Variants in PALM2AKAP2 observed in about 807,000 individuals in gnomAD.
PALM2AKAP2 encodes PALM2 and AKAP2 fusion.
Under a neutral mutation model 71.5 loss-of-function variants are expected in PALM2AKAP2, and 37 were observed. The ratio of observed to expected loss-of-function variants is 0.52; its 90% CI spans 0.40 to 0.68. The LOEUF (loss-of-function observed/expected upper bound fraction) is 0.68, where lower values mean the gene tolerates loss of function less well. Among genes scored for constraint, PALM2AKAP2 ranks in the 30% least tolerant of loss-of-function variants. PALM2AKAP2 has a pLI of 0.00. For synonymous variants in PALM2AKAP2, 468 were observed against 478.8 expected (o/e 0.98, Z 0.29); for missense variants, 1,224 against 1,191.8 (o/e 1.03, Z -0.40).
At chr9:109,642,564 T>C (rs1007718769) in intron 1 of PALM2AKAP2, among the ~76,000 whole-genome samples, 25 of 151,238 alleles carry the variant, frequency 1.7e-4, no homozygotes, top group Admixed American at 1.6e-3. Context: ...GGCACCAAGC[T>C]ATTCTTCATT....
exon 2 of PALM2AKAP2, chr9:110,137,057 C>G (rs1025048445): frequency 6.2e-7 from 1 of 1,614,038 alleles, no homozygotes; most frequent in African/African-American, 1.3e-5. Flanking sequence ...GAGAAGGGCA[C>G]AGCAGGAACA....
At chr9:109,741,237 G>T (rs1285596209) in intron 1 of PALM2AKAP2, among the ~76,000 whole-genome samples, 2 of 152,100 alleles carry the variant, frequency 1.3e-5, no homozygotes, top group East Asian at 3.9e-4. Flanking sequence ...TTTGAGTCTG[G>T]GTTTCTTTCA....
intron 6 of PALM2AKAP2, among the ~76,000 whole-genome samples, chr9:110,004,020 C>T (rs1832730932): frequency 6.6e-6 from 1 of 152,104 alleles, no homozygotes; most frequent in Non-Finnish European, 1.5e-5. Context: ...GAGCATTTAG[C>T]CCATTTACAT....
chr9:109,817,686 A>G (rs1827887208), intron 1 of PALM2AKAP2, among the ~76,000 whole-genome samples: 1 of 152,204 alleles, frequency 6.6e-6, no homozygotes, highest in Non-Finnish European at 1.5e-5. Context: ...AGCGGTGACT[A>G]CTGAAAGTTT....
chr9:109,716,533 G>A (rs1461593581), intron 1 of PALM2AKAP2, among the ~76,000 whole-genome samples: 1 of 152,170 alleles, frequency 6.6e-6, no homozygotes, highest in African/African-American at 2.4e-5. Flanking sequence ...ACGTAAATGG[G>A]CATTCTGTAT....
chr9:109,938,128 C>T (rs186511455), intron 6 of PALM2AKAP2, among the ~76,000 whole-genome samples: 8 of 152,288 alleles, frequency 5.3e-5, no homozygotes, highest in African/African-American at 1.9e-4. Flanking sequence ...GCACTGAAAA[C>T]GTAAGTCTTA....
chr9:109,796,963 T>C (rs1282150730), intron 1 of PALM2AKAP2, among the ~76,000 whole-genome samples: 1 of 152,186 alleles, frequency 6.6e-6, no homozygotes, highest in Non-Finnish European at 1.5e-5. Context: ...CGGTGCTAAA[T>C]GTTAGCTAGG....
intron 1 of PALM2AKAP2, among the ~76,000 whole-genome samples, chr9:109,823,389 C>G (rs1016911996): frequency 6.6e-6 from 1 of 151,956 alleles, no homozygotes; most frequent in Admixed American, 6.5e-5. Context: ...TACTGGGGCT[C>G]CAGTCATGGC....
chr9:110,031,279 G>A (rs1180881474), intron 7 of PALM2AKAP2, among the ~76,000 whole-genome samples: 2 of 152,028 alleles, frequency 1.3e-5, no homozygotes, highest in Admixed American at 6.6e-5. Context: ...ACAGGTGTGC[G>A]CCACCAGGCC....
chr9:110,018,411 A>G (rs1256103324), intron 7 of PALM2AKAP2, among the ~76,000 whole-genome samples: 1 of 151,824 alleles, frequency 6.6e-6, no homozygotes, highest in Non-Finnish European at 1.5e-5. Context: ...GCTCACTGCA[A>G]CCTCCACCTC....
chr9:109,702,781 G>A (rs557037739), intron 1 of PALM2AKAP2, among the ~76,000 whole-genome samples: 20 of 150,298 alleles, frequency 1.3e-4, no homozygotes, highest in African/African-American at 4.1e-4. Flanking sequence ...TAAATCCTTG[G>A]GCATGATGAT....
At chr9:109,920,094 T>G (rs548664563) in intron 3 of PALM2AKAP2, among the ~76,000 whole-genome samples, 4 of 152,198 alleles carry the variant, frequency 2.6e-5, no homozygotes, top group South Asian at 4.1e-4. Context: ...GCTGCCCAGA[T>G]AAGTTATTGT....
chr9:109,965,795 G>A (rs1831935280), intron 6 of PALM2AKAP2, among the ~76,000 whole-genome samples: 1 of 151,952 alleles, frequency 6.6e-6, no homozygotes, highest in African/African-American at 2.4e-5. Flanking sequence ...ATACTCAGGG[G>A]GAAAAAAAAG....
chr9:109,942,860 G>C, intron 6 of PALM2AKAP2: 2 of 1,614,162 alleles, frequency 1.2e-6, no homozygotes, highest in Non-Finnish European at 1.7e-6. Flanking sequence ...GTAGAAAATG[G>C]AGTGCACAAA....
Position 109,835,575 on chromosome 9 carries a change from G to A in PALM2AKAP2, c.46-31916G>A, listed in dbSNP as rs182944703. The stretch of plus-strand genomic sequence containing the variant: ...CACATTGAGCATTAGCCAAAGCAGG[G>A]CGAGGCATCGCCTCACCCAGGAAGC... On this transcript the variant is annotated intron_variant, in intron 1 of 9. Coordinates refer to the PALM2AKAP2 transcript ENST00000302798. 1.1e-3 allele frequency among the ~76,000 whole-genome samples: 169 copies of A among 152,264 alleles called. 2 individuals carry two copies. The South Asian group carries it at 0.028, about 25-fold the overall frequency.
At chr9:110,118,357 C>T (rs1329933294) in intron 1 of PALM2AKAP2, among the ~76,000 whole-genome samples, 4 of 152,178 alleles carry the variant, frequency 2.6e-5, no homozygotes, top group African/African-American at 9.6e-5. Context: ...AGTGATTCTC[C>T]TGCCTCTGCC....
chr9:110,161,271 G>A (rs751460824), intron 3 of PALM2AKAP2, among the ~76,000 whole-genome samples: 9 of 152,102 alleles, frequency 5.9e-5, no homozygotes, highest in Non-Finnish European at 8.8e-5. Flanking sequence ...CTAGTCTATG[G>A]CTATCAATGC....
chr9:109,736,268 A>G (rs1355238090), intron 1 of PALM2AKAP2, among the ~76,000 whole-genome samples: 1 of 151,984 alleles, frequency 6.6e-6, no homozygotes, highest in Non-Finnish European at 1.5e-5. Context: ...GCATGTACGT[A>G]TAAACACACA....
chr9:109,681,626 A>G (rs745546747), intron 1 of PALM2AKAP2, among the ~76,000 whole-genome samples: 1 of 152,222 alleles, frequency 6.6e-6, no homozygotes, highest in Non-Finnish European at 1.5e-5. Flanking sequence ...CTAGGGCAGG[A>G]TGGAGTTTTC....
Sources: allele counts gnomAD v4.1 joint callset (sites outside exome capture counted in the v4.1 genomes callset), GRCh38; gene constraint gnomAD v4.1.1; transcripts MANE v1.5; gene names NCBI Gene and HGNC (gene_info 2026-07-23, HGNC 2026-07-21).